The following ITGA11 variants were observed in gnomAD, a reference collection of about 807,000 sequenced individuals.
ITGA11 encodes integrin subunit alpha 11.
A neutral mutation model predicts 141.9 loss-of-function variants in ITGA11; 97 were observed. That is an observed-to-expected ratio of 0.68 (90% confidence interval 0.58 to 0.81). The LOEUF (loss-of-function observed/expected upper bound fraction) is 0.81. Among genes scored for constraint, ITGA11 ranks in the 30% least tolerant of loss-of-function variants. The probability of loss-of-function intolerance (pLI) is 0.00; values close to 1 mark genes in which losing one functional copy is unlikely to be tolerated. For missense variants in ITGA11, 1,387 were observed against 1,559.2 expected, an observed-to-expected ratio of 0.89 and a Z score of 1.86; for synonymous variants, 658 against 624.6, an observed-to-expected ratio of 1.05 and a Z score of -0.80.
Position 68,325,215 on chromosome 15 carries a change from CA to C in ITGA11, c.2237del (p.Val746GlyfsTer65). ...VLDTADYVKP[V>X]TFSVEYSLED... Reference sequence around the variant, plus strand: ...CCAGGGAATACTCGACTGAGAAGGTCACTGGCTTCACGTAGTCAGCAGTGTC... The same window carrying C: ...CCAGGGAATACTCGACTGAGAAGGTCCTGGCTTCACGTAGTCAGCAGTGTC... On this transcript the variant is annotated frameshift_variant, in exon 18 of 30. Transcript: ENST00000315757. LOFTEE classifies it high-confidence loss of function. The surrounding 1 kb of genome is among the most constrained non-coding windows in gnomAD (Gnocchi z 5.5). 6.2e-7 allele frequency: 1 copy of C among 1,613,914 alleles called. No homozygotes were observed. Among genetic ancestry groups the C allele is most frequent in the South Asian group, 1.1e-5 (1 of 91,070 alleles).
chr15:68,336,281 C>T (rs1290820312), intron 11 of ITGA11, among the ~76,000 whole-genome samples: 13 of 152,156 alleles, frequency 8.5e-5, no homozygotes, highest in Non-Finnish European at 1.8e-4. Flanking sequence ...AACCAGGGTT[C>T]TCTTTATTAC....
chr15:68,311,175 T>G, intron 25 of ITGA11, 95 bp from the exon 26 acceptor site: 1 of 1,265,796 alleles, frequency 7.9e-7, no homozygotes, highest in Non-Finnish European at 1.1e-6. Context: ...TCTCCTCCTC[T>G]AGCCGTGGTC....
intron 10 of ITGA11, among the ~76,000 whole-genome samples, chr15:68,343,320 G>A (rs1894632709): frequency 6.6e-6 from 1 of 152,162 alleles, no homozygotes; most frequent in Non-Finnish European, 1.5e-5. Flanking sequence ...GAGGGGGTGA[G>A]TACATAGTAG....
rs1370721912 is a variant in ITGA11 at position 68,397,030 on chromosome 15, AAATT to A, written c.164+5884_164+5887del. On this transcript the variant is annotated intron_variant, in intron 2 of 29. Coordinates refer to ENST00000315757, the MANE Select transcript of ITGA11 (RefSeq NM_001004439.2). ...ATATATTACTTATTATATAATATAT[AAATT>A]ATTTATTATATAATATATAATATAT... 2.1e-4 allele frequency among the ~76,000 whole-genome samples: 4 copies of A among 18,846 alleles called. 1 individual carries two copies. Among genetic ancestry groups the A allele is most frequent in the Non-Finnish European group, 3.0e-4 (4 of 13,192 alleles). 12.4% of individuals were successfully genotyped at this position (18,846 alleles called of 152,430 possible).
intron 6 of ITGA11, among the ~76,000 whole-genome samples, chr15:68,358,045 C>T (rs921667470): frequency 6.6e-6 from 1 of 152,168 alleles, no homozygotes; most frequent in Non-Finnish European, 1.5e-5. Flanking sequence ...TCTACCTCCG[C>T]GTTAGCCAGG....
chr15:68,372,792 C>G (rs904600601), intron 2 of ITGA11, among the ~76,000 whole-genome samples: 1 of 152,204 alleles, frequency 6.6e-6, no homozygotes, highest in Non-Finnish European at 1.5e-5. Context: ...ACCTCACACC[C>G]TCTCCAACAA....
At chr15:68,349,887 G>A (rs943795558) in intron 9 of ITGA11, among the ~76,000 whole-genome samples, 1 of 152,216 alleles carries the variant, frequency 6.6e-6, no homozygotes, top group Admixed American at 6.5e-5. Context: ...CTAGGCACAA[G>A]CTAGGGTTGC....
chr15:68,301,518 C>G lies in ITGA11; in HGVS notation c.*1541G>C, dbSNP rs1893025088. ...GGGAGCGCTCCACCACTGGAGACGT[C>G]ACACGGAGGCCAGGCAGCCACTAGG... On this transcript the variant is annotated 3_prime_UTR_variant, in exon 30 of 30. Coordinates refer to ENST00000315757, the MANE Select transcript of ITGA11 (RefSeq NM_001004439.2). This position sits in a 1 kb window ranked among gnomAD's most constrained non-coding sequence, Gnocchi z 4.4. 1.3e-5 allele frequency: 2 copies of G among 152,186 alleles called. No individual in the cohort carries two copies. The highest frequency in any genetic ancestry group is 1.3e-4 in the Admixed American group (2 of 15,280). The allele number at this position is 152,186 out of a possible 1,614,324, so 9.4% of individuals were successfully genotyped here.
intron 26 of ITGA11, among the ~76,000 whole-genome samples, chr15:68,309,072 A>G (rs1230560002): frequency 6.6e-6 from 1 of 152,232 alleles, no homozygotes; most frequent in East Asian, 1.9e-4. Context: ...TGACATCAAG[A>G]TCCTGAAGCA....
intron 2 of ITGA11, among the ~76,000 whole-genome samples, chr15:68,391,594 C>G (rs1896123997): frequency 6.6e-6 from 1 of 152,044 alleles, no homozygotes; most frequent in Non-Finnish European, 1.5e-5. Context: ...GTGACTCCAA[C>G]AAAAAGTGGG....
chr15:68,354,421 T>C (rs1331396140), intron 7 of ITGA11, among the ~76,000 whole-genome samples: 1 of 152,172 alleles, frequency 6.6e-6, no homozygotes, highest in East Asian at 1.9e-4. Context: ...ATGATTACAC[T>C]CCTGTACTCA....
At chr15:68,363,951 C>A (rs537575578) in intron 4 of ITGA11, among the ~76,000 whole-genome samples, 20 of 152,342 alleles carry the variant, frequency 1.3e-4, no homozygotes, top group African/African-American at 4.8e-4. Context: ...TTGCTTGTCG[C>A]CTCTCTTTCC....
chr15:68,298,300 G>C lies in ITGA11; in HGVS notation c.*4759C>G, dbSNP rs1434740598. 1 of 152,098 alleles carries C rather than the reference G, an allele frequency of 6.6e-6. No homozygotes were observed. Among genetic ancestry groups the C allele is most frequent in the African/African-American group, 2.4e-5 (1 of 41,390 alleles). The allele number at this position is 152,098 out of a possible 1,614,324, so 9.4% of individuals were successfully genotyped here. On this transcript the variant is annotated 3_prime_UTR_variant, in exon 30 of 30. Coordinates refer to ENST00000315757, the MANE Select transcript of ITGA11 (RefSeq NM_001004439.2). ...ATTTGGTGTGCTCAGTCCATCAGAG[G>C]GGCGGACTGGGGTTTTGCTTTTGCC... is the stretch of plus-strand genomic sequence containing the variant.
intron 2 of ITGA11, among the ~76,000 whole-genome samples, chr15:68,371,235 A>G (rs1029533370): frequency 5.9e-5 from 9 of 152,144 alleles, no homozygotes; most frequent in Non-Finnish European, 1.3e-4. Context: ...AGAAAGAAAA[A>G]GGTCAGTAAG....
At chr15:68,389,853 GCT>G (rs2140389114) in intron 2 of ITGA11, among the ~76,000 whole-genome samples, 1 of 152,302 alleles carries the variant, frequency 6.6e-6, no homozygotes, top group African/African-American at 2.4e-5. Flanking sequence ...GTGAGGCCCA[GCT>G]CTGTTTTTTC....
chr15:68,319,794 C>T lies in ITGA11; in HGVS notation c.2616+391G>A, dbSNP rs74402153. On this transcript the variant is annotated intron_variant, in intron 20 of 29. Transcript: ENST00000315757. ...CAAAGGGCTCAGACTCCCCTAGTGC[C>T]GGTGGTTCTCAGCCCTGGCTGCACA... Among the ~76,000 whole-genome samples, 800 of 152,186 alleles carry T rather than the reference C, an allele frequency of 5.3e-3. 2 individuals carry two copies. Among genetic ancestry groups the T allele is most frequent in the Middle Eastern group, 0.044 (13 of 294 alleles).
intron 6 of ITGA11, among the ~76,000 whole-genome samples, chr15:68,358,007 T>C (rs1182855160): frequency 6.6e-6 from 1 of 152,204 alleles, no homozygotes; most frequent in Non-Finnish European, 1.5e-5. Flanking sequence ...TCATTAGTCC[T>C]CACTCAGGCA....
intron 1 of ITGA11, among the ~76,000 whole-genome samples, chr15:68,414,184 T>G (rs1251052291): frequency 6.6e-6 from 1 of 152,168 alleles, no homozygotes; most frequent in Admixed American, 6.5e-5. Flanking sequence ...ATGGCTGCCA[T>G]CAGACCCCCT....
chr15:68,346,862 T>C (rs1567138395), intron 10 of ITGA11, among the ~76,000 whole-genome samples: 1 of 152,032 alleles, frequency 6.6e-6, no homozygotes, highest in Non-Finnish European at 1.5e-5. Flanking sequence ...TGTGCATGTC[T>C]CCCCCTATCC....
Sources: gnomAD v4.1 joint callset for allele counts (sites outside exome capture counted in the v4.1 genomes callset) on GRCh38, gnomAD v4.1.1 for gene constraint, Gnocchi (gnomAD v3.1) non-coding constraint, MANE v1.5 for transcripts, NCBI Gene and HGNC (gene_info 2026-07-23, HGNC 2026-07-21) for gene names.